The following ATP8B4 variants were observed in gnomAD, a reference collection of about 807,000 sequenced individuals.
ATP8B4 encodes probable phospholipid-transporting ATPase IM.
A neutral mutation model predicts 145.6 loss-of-function variants in ATP8B4; 133 were observed. The observed-to-expected ratio is 0.91, with a 90% CI of 0.79 to 1.05. The LOEUF (loss-of-function observed/expected upper bound fraction) is 1.05, where lower values mean the gene tolerates loss of function less well. Among genes scored for constraint, ATP8B4 ranks in the 50% least tolerant of loss-of-function variants. The probability of loss-of-function intolerance (pLI) is 0.00; values close to 1 mark genes in which losing one functional copy is unlikely to be tolerated. For missense variants in ATP8B4, 1,458 were observed against 1,425.2 expected (o/e 1.02, Z -0.37); for synonymous variants, 507 against 492.9 (o/e 1.03, Z -0.38).
chr15:50,092,180 C>CATACTAAACCTT (rs1328626674), intron 2 of ATP8B4, among the ~76,000 whole-genome samples: 2 of 152,070 alleles, frequency 1.3e-5, no homozygotes, highest in Non-Finnish European at 2.9e-5. Context: ...CCAATGAAAA[C>CATACTAAACCTT]ATACTAAACC....
intron 6 of ATP8B4, among the ~76,000 whole-genome samples, chr15:50,021,651 C>T (rs1297501852): frequency 1.3e-5 from 2 of 152,194 alleles, no homozygotes; most frequent in Non-Finnish European, 2.9e-5. Flanking sequence ...ACTCTCTATC[C>T]TATTCCCCTA....
rs572818390 is a variant in ATP8B4 at position 50,024,340 on chromosome 15, AT to A, written c.363-13424del. Among the ~76,000 whole-genome samples the A allele has an allele frequency of 8.6e-5, 13 of 151,862 alleles. No individual in the cohort carries two copies. In the East Asian group the frequency reaches 2.5e-3, roughly 29 times the overall value. On this transcript the variant is annotated intron_variant, in intron 6 of 27. Transcript: ENST00000284509. ...GGCAGAGCTTTAAATTTTTTTTCAC[AT>A]TTTGAAACTATTTACAGTTCATATG...
At chr15:50,063,222 T>C (rs1396011801) in intron 3 of ATP8B4, among the ~76,000 whole-genome samples, 1 of 152,134 alleles carries the variant, frequency 6.6e-6, no homozygotes, top group Non-Finnish European at 1.5e-5. Context: ...TAATGATTAA[T>C]GGCCCAACAG....
chr15:50,100,759 T>C (rs1264257198), intron 2 of ATP8B4, among the ~76,000 whole-genome samples: 4 of 152,202 alleles, frequency 2.6e-5, no homozygotes, highest in African/African-American at 7.2e-5. Context: ...TGCCAGTCAC[T>C]GTCAGGAAGC....
At position 49,860,290 on chromosome 15, in the gene ATP8B4, C is replaced by T. The variant is rs1168516112; in HGVS notation, c.3483G>A (p.Lys1161=). 1 of 1,614,172 alleles carries T rather than the reference C, an allele frequency of 6.2e-7. No individual in the cohort carries two copies. The highest frequency in any genetic ancestry group is 2.2e-5 in the East Asian group (1 of 44,874). The change falls in exon 28 of 28, where the codon AAG becomes AAA. Residue 1161 remains lysine, a synonymous_variant. Transcript: ENST00000284509. ...KNPPPTSGLE[K]THYNSTSWIE... The stretch of plus-strand genomic sequence containing the variant: ...TCCAGCTAGTGCTATTATAATGTGT[C>T]TTTTCCAGCCCTGATGTTGGGGGTG...
At chr15:50,070,623 G>T (rs1442716954) in intron 3 of ATP8B4, among the ~76,000 whole-genome samples, 2 of 152,140 alleles carry the variant, frequency 1.3e-5, no homozygotes, top group Non-Finnish European at 1.5e-5. Context: ...TTTAATCTGG[G>T]ATATCTGTGC....
chr15:49,991,728 G>A lies in ATP8B4; in HGVS notation c.590-4179C>T, dbSNP rs146654291. The stretch of plus-strand genomic sequence containing the variant: ...CTGCCAAAACCCAACTCTCTTGTGT[G>A]CACTGGTCTCTACATTTGGCCAAGT... On this transcript the variant is annotated intron_variant, in intron 9 of 27. Coordinates refer to ENST00000284509, the MANE Select transcript of ATP8B4 (RefSeq NM_024837.4). Among the ~76,000 whole-genome samples, 15 of 152,180 alleles carry A rather than the reference G, an allele frequency of 9.9e-5. No homozygotes were observed. In the East Asian group the frequency reaches 2.5e-3, roughly 25 times the overall value.
intron 26 of ATP8B4, 25 bp from the exon 27 acceptor site, chr15:49,862,400 C>T (rs1205698532): frequency 3.1e-6 from 5 of 1,609,158 alleles, no homozygotes; most frequent in African/African-American, 1.3e-5. Context: ...AGAAAATATA[C>T]ACTGTGGTTA....
intron 1 of ATP8B4, among the ~76,000 whole-genome samples, chr15:50,114,905 A>G (rs1426638636): frequency 1.3e-5 from 2 of 152,350 alleles, no homozygotes; most frequent in East Asian, 3.9e-4. Context: ...TCAATTATCA[A>G]AGACTTATCA....
intron 12 of ATP8B4, among the ~76,000 whole-genome samples, chr15:49,974,791 G>T (rs554900473): frequency 5.1e-4 from 78 of 152,158 alleles, no homozygotes; most frequent in African/African-American, 1.9e-3. Context: ...TTCCAAATAA[G>T]AAGATTTTAC....
At chr15:49,879,849 G>T in intron 23 of ATP8B4, 1 of 157,148 alleles carries the variant, frequency 6.4e-6, no homozygotes, top group Non-Finnish European at 1.4e-5. Context: ...GGTAAACAAA[G>T]GATTCACTAA....
At chr15:49,979,930 A>T in intron 11 of ATP8B4, 117 bp from the exon 12 acceptor site, 1 of 602,710 alleles carries the variant, frequency 1.7e-6, no homozygotes, top group Non-Finnish European at 2.7e-6. Context: ...AAGTATGCAA[A>T]CCTCTTCTTA....
At chr15:50,166,007 A>ACACACACACC (rs1242315706) in intron 1 of ATP8B4, among the ~76,000 whole-genome samples, 4 of 144,838 alleles carry the variant, frequency 2.8e-5, no homozygotes, top group Non-Finnish European at 4.5e-5. Context: ...ACACACACAC[A>ACACACACACC]CCTCATCTAA....
intron 1 of ATP8B4, among the ~76,000 whole-genome samples, chr15:50,169,725 C>A (rs1157695036): frequency 6.6e-6 from 1 of 152,094 alleles, no homozygotes; most frequent in African/African-American, 2.4e-5. Flanking sequence ...AGTTATTAAG[C>A]TAATCTGGGA....
In ATP8B4 at chr15:49,911,055, T is replaced by C. The variant is rs148468063; in HGVS notation, c.2141+5879A>G. On this transcript the variant is annotated intron_variant, in intron 20 of 27. Transcript: ENST00000284509. ...AAACTACTGACACAAAAATATATAA[T>C]AAAAAAGAAATAAAGGAACAGAAGA... Among the ~76,000 whole-genome samples the C allele has an allele frequency of 6.4e-3, 976 of 151,534 alleles. 16 individuals are homozygous for C. The highest frequency in any genetic ancestry group is 0.023 in the African/African-American group (934 of 41,326).
intron 14 of ATP8B4, among the ~76,000 whole-genome samples, chr15:49,942,948 A>C (rs1450373141): frequency 6.6e-6 from 1 of 152,240 alleles, no homozygotes; most frequent in East Asian, 1.9e-4. Context: ...AAGATGCTCT[A>C]CAAGCTCAAG....
chr15:50,166,175 G>T (rs553722345), intron 1 of ATP8B4, among the ~76,000 whole-genome samples: 2 of 152,234 alleles, frequency 1.3e-5, no homozygotes, highest in Non-Finnish European at 2.9e-5. Context: ...TCTATACTCA[G>T]TGAAAATACT....
At chr15:50,174,525 G>C (rs1331456161) in intron 1 of ATP8B4, among the ~76,000 whole-genome samples, 4 of 144,768 alleles carry the variant, frequency 2.8e-5, no homozygotes, top group African/African-American at 1.0e-4. Flanking sequence ...ATCAAATCAA[G>C]CACTCGATCC....
At chr15:50,009,736 G>A in intron 7 of ATP8B4, 2 of 452,202 alleles carry the variant, frequency 4.4e-6, no homozygotes, top group South Asian at 3.1e-5. Context: ...TAAATAGATT[G>A]CGAGTGAGAA....
Sources: allele counts gnomAD v4.1 joint callset (sites outside exome capture counted in the v4.1 genomes callset), GRCh38; gene constraint gnomAD v4.1.1; transcripts MANE v1.5; gene names NCBI Gene and HGNC (gene_info 2026-07-23, HGNC 2026-07-21).